ACSL6: variants seen among roughly 807,000 people sequenced by gnomAD.
The protein encoded by ACSL6 is long-chain-fatty-acid--CoA ligase 6.
In ACSL6, 47 loss-of-function variants were observed where a neutral mutation model predicts 98.2. The ratio of observed to expected loss-of-function variants is 0.48; its 90% CI spans 0.38 to 0.61. The LOEUF is 0.61. ACSL6 is among the 20% of genes least tolerant of loss of function. ACSL6 has a pLI of 0.00. For synonymous variants in ACSL6, 362 were observed against 336.9 expected, an observed-to-expected ratio of 1.07 and a Z score of -0.82; for missense variants, 761 against 913.4, an observed-to-expected ratio of 0.83 and a Z score of 2.15.
At chr5:132,005,861 T>G (rs1315674753) in intron 1 of ACSL6, among the ~76,000 whole-genome samples, 2 of 152,196 alleles carry the variant, frequency 1.3e-5, no homozygotes, top group African/African-American at 2.4e-5. Flanking sequence ...CAATAGGGTC[T>G]GTCCCAGAGC....
chr5:132,006,857 C>T (rs1755436811), intron 1 of ACSL6: 1 of 152,192 alleles, frequency 6.6e-6, no homozygotes, highest in Non-Finnish European at 1.5e-5. Flanking sequence ...CTGGCCCTGC[C>T]TGCAAGGAGT....
In ACSL6 at chr5:131,985,115, A is replaced by T. The variant is rs764145158; in HGVS notation, c.916+292T>A. ...TTACCAGAGAGAAATGATGCCAGTG[A>T]GAAAGGACCTTCCCTCAGCACATGA... On this transcript the variant is annotated intron_variant, in intron 9 of 20. Transcript: ENST00000651883. 5.5e-5 allele frequency: 24 copies of T among 433,920 alleles called. 1 individual carries two copies. In the South Asian group the frequency reaches 5.7e-4, roughly 10 times the overall value. The allele number at this position is 433,920 out of a possible 1,614,324, so 26.9% of individuals were successfully genotyped here. A position where few individuals can be genotyped will look rare whatever the true frequency, so the allele number is the denominator to read the frequency against.
Position 131,954,099 on chromosome 5 carries a change from T to C in ACSL6, c.*135A>G, listed in dbSNP as rs1013353251. On this transcript the variant is annotated 3_prime_UTR_variant, in exon 21 of 21. Transcript: ENST00000651883. Reference sequence around the variant, plus strand: ...AGAGAAAATATTGTTAAAGACCTCTTGGGACAGGAAAAGGCTCAGTCATAA... The same window carrying C: ...AGAGAAAATATTGTTAAAGACCTCTCGGGACAGGAAAAGGCTCAGTCATAA... 2 of 840,358 alleles carry C rather than the reference T, an allele frequency of 2.4e-6. No individual in the cohort carries two copies. Among genetic ancestry groups the C allele is most frequent in the Admixed American group, 7.5e-5 (2 of 26,808 alleles). 52.1% of individuals were successfully genotyped at this position (840,358 alleles called of 1,614,324 possible). A position where few individuals can be genotyped will look rare whatever the true frequency, so the allele number is the denominator to read the frequency against.
intron 1 of ACSL6, among the ~76,000 whole-genome samples, chr5:132,002,067 G>T (rs1293275375): frequency 6.6e-6 from 1 of 152,250 alleles, no homozygotes; most frequent in East Asian, 1.9e-4. Flanking sequence ...ATATTTACAG[G>T]GTATGATAAC....
intron 14 of ACSL6, among the ~76,000 whole-genome samples, chr5:131,971,203 T>TA (rs1277193298): frequency 1.3e-5 from 2 of 152,250 alleles, no homozygotes; most frequent in Non-Finnish European, 2.9e-5. Context: ...GGTTGCAAGA[T>TA]ATTTTGCAGG....
At chr5:131,988,514 C>T (rs1177464220) in intron 6 of ACSL6, 9 of 1,608,010 alleles carry the variant, frequency 5.6e-6, no homozygotes, top group South Asian at 2.2e-5. Context: ...TTACCACCCC[C>T]TGCATCTGTG....
intron 19 of ACSL6, 30 bp from the exon 20 acceptor site, chr5:131,959,637 A>G (rs956249678): frequency 1.3e-6 from 2 of 1,599,878 alleles, no homozygotes; most frequent in Non-Finnish European, 1.7e-6. Context: ...AAAAATTACA[A>G]GACAAGAACA....
At chr5:132,005,152 C>CA (rs1182444181) in intron 1 of ACSL6, among the ~76,000 whole-genome samples, 11 of 149,592 alleles carry the variant, frequency 7.4e-5, no homozygotes, top group Non-Finnish European at 1.5e-4. Flanking sequence ...AGCTCTGTCT[C>CA]AAAAAAAAGA....
intron 9 of ACSL6, among the ~76,000 whole-genome samples, chr5:131,981,185 T>C (rs1418531891): frequency 2.0e-5 from 3 of 151,974 alleles, no homozygotes; most frequent in Non-Finnish European, 4.4e-5. Flanking sequence ...CCTCTTCCTT[T>C]CTTCTGTCTC....
chr5:131,989,442 G>C lies in ACSL6; in HGVS notation c.517C>G (p.Gln173Glu), dbSNP rs780867713. 17 of 1,613,878 alleles carry C rather than the reference G, an allele frequency of 1.1e-5. No individual in the cohort carries two copies. Reference sequence around the variant, plus strand: ...TTTTGTGCAAAAACACCAATAAACTGATCAGTGCATGCTTTACAATTGTGC... The same window carrying C: ...TTTTGTGCAAAAACACCAATAAACTCATCAGTGCATGCTTTACAATTGTGC... ...LQHNCKACTD[Q>E]FIGVFAQNRP... Residue 173 changes from glutamine to glutamate, a missense_variant, in exon 5 of 21, where the codon CAG (glutamine) becomes GAG (glutamate). Gln to Glu is a conservative substitution (Grantham distance 29). Coordinates refer to ENST00000651883, the MANE Select transcript of ACSL6 (RefSeq NM_001009185.3).
chr5:131,988,479 A>T lies in ACSL6; in HGVS notation c.653-253T>A, dbSNP rs1180709032. 3 of 1,559,540 alleles carry T rather than the reference A, an allele frequency of 1.9e-6. No homozygotes were observed. In the South Asian group the frequency reaches 3.4e-5, roughly 18 times the overall value. On this transcript the variant is annotated intron_variant, in intron 6 of 20. Transcript: ENST00000651883. ...CCCCTTTGTTCCAGGCTCTGCCCCC[A>T]TCATCCCAGGTCTGTTTGAGATATT...
At chr5:131,995,146 T>C (rs1208699792) in intron 1 of ACSL6, among the ~76,000 whole-genome samples, 2 of 151,870 alleles carry the variant, frequency 1.3e-5, no homozygotes, top group Non-Finnish European at 2.9e-5. Flanking sequence ...GTGGGTACAG[T>C]GGGCCCATCA....
intron 9 of ACSL6, among the ~76,000 whole-genome samples, chr5:131,979,825 G>T (rs1281276758): frequency 6.6e-6 from 1 of 152,202 alleles, no homozygotes; most frequent in Non-Finnish European, 1.5e-5. Context: ...TGTCTCAGCG[G>T]TATGAGACCC....
chr5:131,966,327 A>C, intron 17 of ACSL6, 89 bp downstream of exon 17: 2 of 1,272,916 alleles, frequency 1.6e-6, no homozygotes, highest in Non-Finnish European at 2.3e-6. Context: ...GTCAGGGGGG[A>C]TTTGGAGAAG....
chr5:131,975,976 T>C, intron 10 of ACSL6: 1 of 985,474 alleles, frequency 1.0e-6, no homozygotes, highest in Non-Finnish European at 1.2e-6. Context: ...CACTTCATAA[T>C]GTCATCTACC....
chr5:131,990,904 C>G lies in ACSL6; in HGVS notation c.334G>C (p.Asp112His). The G allele has an allele frequency of 6.2e-7, 1 of 1,613,986 alleles. No individual in the cohort carries two copies. The highest frequency in any genetic ancestry group is 8.5e-7 in the Non-Finnish European group (1 of 1,179,992). ...ACCTGGTACATGGTCCGGGCATCAT[C>G]ATAGTAGTGGGTAAGTAGCTGAGGG... is the stretch of plus-strand genomic sequence containing the variant. Reference protein sequence around the residue: ...SGPQLLTHYYDDARTMYQVFR... With the variant: ...SGPQLLTHYYHDARTMYQVFR... The change falls in exon 3 of 21, where the codon GAT becomes CAT. Residue 112 changes from aspartate (D) to histidine (H), a missense_variant. Physicochemically the swap from Asp to His is moderately conservative, Grantham distance 81 (BLOSUM62 -1). Transcript: ENST00000651883.
intron 9 of ACSL6, 78 bp downstream of exon 9, chr5:131,985,329 G>C: frequency 6.4e-7 from 1 of 1,567,814 alleles, no homozygotes. Flanking sequence ...GGGTATCAAA[G>C]ACTCCAGCAG....
chr5:131,981,332 A>C lies in ACSL6; in HGVS notation c.916+4075T>G, dbSNP rs199802717. 1.8e-3 allele frequency among the ~76,000 whole-genome samples: 264 copies of C among 146,688 alleles called. 4 individuals are homozygous for C. Among genetic ancestry groups the C allele is most frequent in the African/African-American group, 6.3e-3 (247 of 39,018 alleles). ...TTCATAGTCAACTATTAAAAAAAAA[A>C]AAAAAAAAAAAAACACAACTTTCTC... On this transcript the variant is annotated intron_variant, in intron 9 of 20. Transcript: ENST00000651883.
intron 10 of ACSL6, 81 bp from the exon 11 acceptor site, chr5:131,975,051 G>C: frequency 6.5e-7 from 1 of 1,531,594 alleles, no homozygotes; most frequent in Non-Finnish European, 8.9e-7. Flanking sequence ...ACAATAAAGA[G>C]AAAATGGTCC....
Sources: allele counts gnomAD v4.1 joint callset (sites outside exome capture counted in the v4.1 genomes callset), GRCh38; gene constraint gnomAD v4.1.1; transcripts MANE v1.5; gene names NCBI Gene and HGNC (gene_info 2026-07-23, HGNC 2026-07-21).